SCLT1: variants seen among roughly 807,000 people sequenced by gnomAD.
The protein encoded by SCLT1 is sodium channel and clathrin linker 1.
SCLT1 carries 78 observed loss-of-function variants against 112.8 expected under a neutral mutation model. That is an observed-to-expected ratio of 0.69 (90% CI 0.58 to 0.83). The LOEUF is 0.83. Among genes scored for constraint, SCLT1 ranks in the 40% least tolerant of loss-of-function variants. The pLI is 0.00. For missense variants in SCLT1, 747 were observed against 770.4 expected (o/e 0.97, Z 0.36); for synonymous variants, 257 against 254.7 (o/e 1.01, Z -0.09).
chr4:128,974,761 A>T (rs994338484), intron 9 of SCLT1, among the ~76,000 whole-genome samples: 5 of 152,138 alleles, frequency 3.3e-5, no homozygotes, highest in Admixed American at 3.3e-4. Context: ...TACTATTTAC[A>T]TGCAAATGTT....
intron 5 of SCLT1, among the ~76,000 whole-genome samples, chr4:129,006,365 C>T (rs189081204): frequency 2.9e-3 from 439 of 151,874 alleles, no homozygotes; most frequent in Admixed American, 4.6e-3. Flanking sequence ...TGGTGAAACC[C>T]CGTCTCTACT....
In SCLT1 at chr4:128,914,691, A is replaced by T. The variant is rs568788282; in HGVS notation, c.1829+21964T>A. Among the ~76,000 whole-genome samples, 41 of 152,324 alleles carry T rather than the reference A, an allele frequency of 2.7e-4. No individual in the cohort carries two copies. The South Asian group carries it at 8.1e-3, about 30-fold the overall frequency. On this transcript the variant is annotated intron_variant, in intron 18 of 20. Transcript: ENST00000281142. ...CTGACTATAGAGGTGCACAAAGGGG[A>T]TACAGAAAGAGGAGCAATCTATGGA...
At chr4:129,039,979 G>A (rs1257283983) in intron 4 of SCLT1, 3 of 475,092 alleles carry the variant, frequency 6.3e-6, no homozygotes, top group Non-Finnish European at 1.2e-5. Flanking sequence ...CACTTAAAAC[G>A]GTAACTAATT....
At chr4:128,973,493 A>C (rs1344216488) in intron 9 of SCLT1, among the ~76,000 whole-genome samples, 1 of 150,394 alleles carries the variant, frequency 6.6e-6, no homozygotes, top group African/African-American at 2.4e-5. Flanking sequence ...AGAGAGGGAG[A>C]GGGAAAGAGA....
At chr4:128,941,244 T>C (rs75001128) in intron 17 of SCLT1, among the ~76,000 whole-genome samples, 1,852 of 152,230 alleles carry the variant, frequency 0.012, 45 homozygotes, top group African/African-American at 0.043. Context: ...TATGTATGTC[T>C]GGCTTTAAAA....
intron 18 of SCLT1, among the ~76,000 whole-genome samples, chr4:128,934,043 C>T (rs1736988517): frequency 6.6e-6 from 1 of 151,844 alleles, no homozygotes; most frequent in Non-Finnish European, 1.5e-5. Context: ...TTTAATTTTA[C>T]TTTTGATTTT....
At chr4:128,965,791 G>A (rs1480854761) in intron 10 of SCLT1, among the ~76,000 whole-genome samples, 8 of 145,958 alleles carry the variant, frequency 5.5e-5, no homozygotes, top group African/African-American at 2.0e-4. Context: ...ATCTTTTCTT[G>A]CTTCATGTGT....
chr4:129,038,974 C>A, intron 5 of SCLT1, 67 bp downstream of exon 5: 2 of 989,436 alleles, frequency 2.0e-6, no homozygotes, highest in South Asian at 1.4e-5. Context: ...TATCAAATAT[C>A]AAATAACAAA....
intron 9 of SCLT1, among the ~76,000 whole-genome samples, chr4:128,980,180 A>C (rs747334525): frequency 1.3e-5 from 2 of 152,210 alleles, no homozygotes; most frequent in African/African-American, 2.4e-5. Flanking sequence ...TTTCCAAGAC[A>C]CACTATGAAT....
At chr4:129,026,575 C>G (rs1560982828) in intron 5 of SCLT1, among the ~76,000 whole-genome samples, 1 of 151,906 alleles carries the variant, frequency 6.6e-6, no homozygotes, top group Non-Finnish European at 1.5e-5. Context: ...ATTTACAGCA[C>G]TAAATGCCCA....
chr4:129,055,831 A>G (rs1268793823), intron 2 of SCLT1, among the ~76,000 whole-genome samples: 1 of 146,330 alleles, frequency 6.8e-6, no homozygotes, highest in African/African-American at 2.5e-5. Flanking sequence ...AAAAAAAAAA[A>G]CAAAAACAAA....
At chr4:129,043,531 G>T in intron 3 of SCLT1, 64 bp from the exon 4 acceptor site, 1 of 710,842 alleles carries the variant, frequency 1.4e-6, no homozygotes, top group Non-Finnish European at 2.3e-6. Flanking sequence ...TATATAACAA[G>T]TGAAATAAAT....
intron 18 of SCLT1, among the ~76,000 whole-genome samples, chr4:128,922,019 C>T (rs1298368584): frequency 6.6e-6 from 1 of 152,118 alleles, no homozygotes; most frequent in Non-Finnish European, 1.5e-5. Flanking sequence ...AGAAAACATA[C>T]ATGCGGCCAA....
Position 128,935,920 on chromosome 4 carries a change from A to G in SCLT1, c.1829+735T>C, listed in dbSNP as rs542595793. 4.6e-5 allele frequency among the ~76,000 whole-genome samples: 7 copies of G among 152,264 alleles called. No individual in the cohort carries two copies. In the East Asian group the frequency reaches 1.2e-3, roughly 25 times the overall value. On this transcript the variant is annotated intron_variant, in intron 18 of 20. Transcript: ENST00000281142. ...TAATCTCCTCCCTGAATATCAACTTACATACATAATTTACTAGTTGATATC... is the reference window on the plus strand; with the variant it reads ...TAATCTCCTCCCTGAATATCAACTTGCATACATAATTTACTAGTTGATATC...
At chr4:128,876,460 A>C (rs1299288496) in intron 4 of SCLT1, 1 of 152,096 alleles carries the variant, frequency 6.6e-6, no homozygotes, top group African/African-American at 2.4e-5. Flanking sequence ...CACACCAGGG[A>C]CTCACGTTCA....
chr4:128,994,928 C>T (rs1742881011), intron 8 of SCLT1, among the ~76,000 whole-genome samples: 1 of 152,110 alleles, frequency 6.6e-6, no homozygotes, highest in Non-Finnish European at 1.5e-5. Flanking sequence ...GGAGATTATT[C>T]CCTTATTGGA....
intron 3 of SCLT1, among the ~76,000 whole-genome samples, chr4:128,877,647 C>T (rs937475219): frequency 3.3e-5 from 5 of 151,812 alleles, no homozygotes; most frequent in Non-Finnish European, 7.4e-5. Flanking sequence ...TGCCACTGCC[C>T]TCCAGCCTGG....
chr4:129,061,043 G>A (rs1014288522), intron 2 of SCLT1, among the ~76,000 whole-genome samples: 1 of 152,108 alleles, frequency 6.6e-6, no homozygotes, highest in Non-Finnish European at 1.5e-5. Context: ...CCCAACTCCT[G>A]AGAAGAAAAG....
intron 2 of SCLT1, among the ~76,000 whole-genome samples, chr4:129,057,409 C>CTTTTTTTTT (rs35098310): frequency 7.5e-6 from 1 of 132,604 alleles, no homozygotes; most frequent in Non-Finnish European, 1.6e-5. Flanking sequence ...TAATATTATT[C>CTTTTTTTTT]TTTTTTTTTT....
Sources: gnomAD v4.1 joint callset for allele counts (sites outside exome capture counted in the v4.1 genomes callset) on GRCh38, gnomAD v4.1.1 for gene constraint, MANE v1.5 for transcripts, NCBI Gene and HGNC (gene_info 2026-07-23, HGNC 2026-07-21) for gene names.